The following PDZD4 variants were observed in gnomAD, a reference collection of about 807,000 sequenced individuals.
PDZD4 encodes PDZ domain-containing protein 4.
In PDZD4, 9 loss-of-function variants were observed where a neutral mutation model predicts 38.5. The ratio of observed to expected loss-of-function variants is 0.23; its 90% confidence interval spans 0.14 to 0.41. The LOEUF is 0.41. Ranked by LOEUF, PDZD4 falls within the 10% of genes least tolerant of loss-of-function variation. The pLI, the probability that PDZD4 is intolerant of heterozygous loss-of-function variation, is 1.00. For synonymous variants in PDZD4, 349 were observed against 315.7 expected (o/e 1.11, Z -1.12); for missense variants, 612 against 722.0 (o/e 0.85, Z 1.75).
intron 1 of PDZD4, among the ~76,000 whole-genome samples, chrX:153,809,993 G>A (rs1163725391): frequency 2.7e-5 from 3 of 112,895 alleles, no homozygotes; most frequent in Non-Finnish European, 3.8e-5. Context: ...CAGCACCCTG[G>A]GACAGTATGC....
intron 1 of PDZD4, among the ~76,000 whole-genome samples, chrX:153,824,950 A>G (rs782761134): frequency 8.9e-6 from 1 of 112,229 alleles, no homozygotes; most frequent in South Asian, 3.7e-4. Flanking sequence ...GTGAGCCCAG[A>G]TCGTACCATT....
At chrX:153,827,400 A>C (rs1460908039) in intron 1 of PDZD4, among the ~76,000 whole-genome samples, 1 of 112,536 alleles carries the variant, frequency 8.9e-6, no homozygotes, top group Non-Finnish European at 1.9e-5. Flanking sequence ...ATTAAAAGCA[A>C]GGACTCAAAC....
intron 1 of PDZD4, among the ~76,000 whole-genome samples, chrX:153,809,544 A>G (rs782779203): frequency 1.8e-5 from 2 of 112,584 alleles, no homozygotes; most frequent in East Asian, 2.8e-4. Context: ...CCGAGATCGC[A>G]CCACTGTACT....
chrX:153,824,758 G>A (rs1219083154), intron 1 of PDZD4, among the ~76,000 whole-genome samples: 1 of 112,071 alleles, frequency 8.9e-6, no homozygotes, highest in Admixed American at 9.4e-5. Context: ...CAGCACTTTG[G>A]GAGGCCGGTG....
At chrX:153,811,191 C>T (rs2064307132) in intron 1 of PDZD4, among the ~76,000 whole-genome samples, 1 of 110,272 alleles carries the variant, frequency 9.1e-6, no homozygotes, top group African/African-American at 3.3e-5. Context: ...GGCTGAAGTG[C>T]AGTGGCATAA....
Position 153,803,291 on chromosome X carries a change from AGAGT to A in PDZD4, c.*58_*61del. ...CACACACACACACAATCTCTATAGGAGAGTGAGGGCCGGGGCCCCAGGGGGTTCC... is the reference window on the plus strand; with the variant it reads ...CACACACACACACAATCTCTATAGGAGAGGGCCGGGGCCCCAGGGGGTTCC... On this transcript the variant is annotated 3_prime_UTR_variant, in exon 8 of 8. Coordinates refer to ENST00000393758, the MANE Select transcript of PDZD4 (RefSeq NM_001303512.2). The A allele has an allele frequency of 4.2e-6, 4 of 962,872 alleles. No homozygotes were observed. Among genetic ancestry groups the A allele is most frequent in the South Asian group, 2.6e-5 (1 of 38,984 alleles). 79.4% of individuals were successfully genotyped at this position (962,872 alleles called of 1,213,427 possible).
At chrX:153,820,216 T>C (rs2064407325) in intron 1 of PDZD4, among the ~76,000 whole-genome samples, 1 of 108,961 alleles carries the variant, frequency 9.2e-6, no homozygotes, top group African/African-American at 3.4e-5. Context: ...GCGTGGTGGC[T>C]TGCACCTGTA....
At chrX:153,805,906 G>A (rs1444102726) in intron 5 of PDZD4, among the ~76,000 whole-genome samples, 165 bp downstream of exon 5, 1 of 112,033 alleles carries the variant, frequency 8.9e-6, no homozygotes, top group Non-Finnish European at 1.9e-5. Context: ...TGGGGTGAGT[G>A]GGCAGGAGAG....
At chrX:153,806,011 T>C in intron 5 of PDZD4, 60 bp downstream of exon 5, 1 of 1,141,760 alleles carries the variant, frequency 8.8e-7, no homozygotes, top group Non-Finnish European at 1.2e-6. Context: ...TAAAGAGAGG[T>C]GGCTGGGCCG....
chrX:153,821,554 G>C (rs1408048582), intron 1 of PDZD4, among the ~76,000 whole-genome samples: 1 of 110,783 alleles, frequency 9.0e-6, no homozygotes, highest in Non-Finnish European at 1.9e-5. Context: ...TCTACTCCCG[G>C]TCCCTACCCA....
chrX:153,803,904 G>A lies in PDZD4; in HGVS notation c.1777C>T (p.Leu593=). 1 of 1,178,220 alleles carries A rather than the reference G, an allele frequency of 8.5e-7. No homozygotes were observed. Among genetic ancestry groups the A allele is most frequent in the Non-Finnish European group, 1.1e-6 (1 of 881,092 alleles). The change falls in exon 8 of 8, where the codon CTG becomes TTG. Residue 593 remains leucine, a synonymous_variant. Coordinates refer to ENST00000393758, the MANE Select transcript of PDZD4 (RefSeq NM_001303512.2). ...TCCTCCAGGCCTCGCGTCGGGGCCA[G>A]CTGCACGCAGCTGTGGTAGTGCTCG... The part of the protein sequence containing the change: ...EGEHYHSCVQ[L]APTRGLEELG...
intron 1 of PDZD4, among the ~76,000 whole-genome samples, chrX:153,813,774 T>C (rs2064332880): frequency 9.0e-6 from 1 of 111,236 alleles, no homozygotes; most frequent in Non-Finnish European, 1.9e-5. Flanking sequence ...CTCCAGATGC[T>C]ACAGCAAGTC....
chrX:153,823,929 G>A (rs1197264770), intron 1 of PDZD4, among the ~76,000 whole-genome samples: 1 of 112,383 alleles, frequency 8.9e-6, no homozygotes, highest in Admixed American at 9.4e-5. Flanking sequence ...TGAAGTAGAA[G>A]GAAGGAAAGG....
rs782504773 is a variant in PDZD4, at chrX:153,802,690, T to G, written c.*663A>C. 1 of 106,986 alleles carries G rather than the reference T, an allele frequency of 9.3e-6. No individual in the cohort carries two copies. 8.8% of individuals were successfully genotyped at this position (106,986 alleles called of 1,213,427 possible). A position where few individuals can be genotyped will look rare whatever the true frequency, so the allele number is the denominator to read the frequency against. Reference sequence around the variant, plus strand: ...CCATTCCTCCCACCTTTCCCTCCCCTTCCCTCCCATCCATCCCCAGCCCTC... The same window carrying G: ...CCATTCCTCCCACCTTTCCCTCCCCGTCCCTCCCATCCATCCCCAGCCCTC... On this transcript the variant is annotated 3_prime_UTR_variant, in exon 8 of 8. Transcript: ENST00000393758.
Position 153,803,733 on chromosome X carries a change from G to T in PDZD4, c.1948C>A (p.Arg650=). 8.3e-7 allele frequency: 1 copy of T among 1,209,562 alleles called. No individual in the cohort carries two copies. Among genetic ancestry groups the T allele is most frequent in the East Asian group, 3.0e-5 (1 of 33,813 alleles). The change falls in exon 8 of 8, where the codon CGG becomes AGG. Residue 650 remains arginine, a synonymous_variant. Transcript: ENST00000393758. ...RYVAKRPVRD[R]LLKARALKIR... ...TTCAGGGCACGGGCTTTCAGCAGCCGATCTCGCACGGGCCGCTTGGCCACG... is the reference window on the plus strand; with the variant it reads ...TTCAGGGCACGGGCTTTCAGCAGCCTATCTCGCACGGGCCGCTTGGCCACG...
chrX:153,824,862 G>A (rs1210821896), intron 1 of PDZD4, among the ~76,000 whole-genome samples: 1 of 111,930 alleles, frequency 8.9e-6, no homozygotes, highest in African/African-American at 3.2e-5. Context: ...GCCAGGCATG[G>A]TGGCGCATGC....
chrX:153,823,454 G>A (rs782251463), intron 1 of PDZD4, among the ~76,000 whole-genome samples: 3 of 110,339 alleles, frequency 2.7e-5, no homozygotes, highest in South Asian at 7.8e-4. Context: ...CTGACCTGAG[G>A]TGATCCGCCC....
In PDZD4 at chrX:153,804,040, G is replaced by C; in HGVS notation, c.1641C>G (p.His547Gln). Residue 547 changes from histidine (H) to glutamine (Q), a missense_variant, in exon 8 of 8, where the codon CAC (histidine) becomes CAG (glutamine). By Grantham distance (24) the His-to-Gln change is conservative. Transcript: ENST00000393758. Reference sequence around the variant, plus strand: ...GGTTGCGGCGGCCGCGCTCCTCCGCGTGCTGCCTCCGGCCGGCCTCAGGAT... The same window carrying C: ...GGTTGCGGCGGCCGCGCTCCTCCGCCTGCTGCCTCCGGCCGGCCTCAGGAT... ...SRDPEAGRRQ[H>Q]AEERGRRNPK... The C allele has an allele frequency of 8.6e-7, 1 of 1,159,166 alleles. No individual in the cohort carries two copies. Among genetic ancestry groups the C allele is most frequent in the South Asian group, 1.9e-5 (1 of 52,220 alleles).
chrX:153,814,488 C>CCG (rs1557079439), intron 1 of PDZD4, among the ~76,000 whole-genome samples: 1 of 85,828 alleles, frequency 1.2e-5, no homozygotes, highest in African/African-American at 4.2e-5. Context: ...CCACCCCCCC[C>CCG]CCAAAAAAAA....
Sources: allele counts gnomAD v4.1 joint callset (sites outside exome capture counted in the v4.1 genomes callset), GRCh38; gene constraint gnomAD v4.1.1; transcripts MANE v1.5; gene names NCBI Gene and HGNC (gene_info 2026-07-23, HGNC 2026-07-21).